The following PGGT1B variants were observed in gnomAD, a reference collection of about 807,000 sequenced individuals.
PGGT1B encodes the protein protein geranylgeranyltransferase type I subunit beta, also known as geranylgeranyl transferase type-1 subunit beta.
PGGT1B carries 30 observed loss-of-function variants against 46.1 expected under a neutral mutation model. The observed-to-expected ratio is 0.65, with a 90% confidence interval of 0.49 to 0.88. The LOEUF is 0.88. Among genes scored for constraint, PGGT1B ranks in the 40% least tolerant of loss-of-function variants. PGGT1B has a pLI of 0.00. For missense variants in PGGT1B, 376 were observed against 455.9 expected, an observed-to-expected ratio of 0.82 and a Z score of 1.60; for synonymous variants, 170 against 160.0, an observed-to-expected ratio of 1.06 and a Z score of -0.47.
At position 115,204,325 on chromosome 5, in the gene PGGT1B, G is replaced by C. The variant is rs1397695964; in HGVS notation, c.*8077C>G. On this transcript the variant is annotated 3_prime_UTR_variant, in exon 9 of 9. Transcript: ENST00000419445. ...TCAGGAGGTCTAAGGTACCGCCAGA[G>C]AATCTGCACTTTCTAACGAGTACCC... 1 of 152,120 alleles carries C rather than the reference G, an allele frequency of 6.6e-6. No homozygotes were observed. Among genetic ancestry groups the C allele is most frequent in the Non-Finnish European group, 1.5e-5 (1 of 68,028 alleles). The allele number at this position is 152,120 out of a possible 1,614,324, so 9.4% of individuals were successfully genotyped here.
In PGGT1B at chr5:115,221,279, G is replaced by A. The variant is rs191075889; in HGVS notation, c.843+545C>T. 8.5e-5 allele frequency among the ~76,000 whole-genome samples: 13 copies of A among 152,068 alleles called. No homozygotes were observed. The South Asian group carries it at 2.5e-3, about 29-fold the overall frequency. On this transcript the variant is annotated intron_variant, in intron 7 of 8. Transcript: ENST00000419445. ...CAGAGAAAACTTGTGTGTATTTAGT[G>A]ACTAAATAACCTTACGGAATTAGGT...
At chr5:115,258,508 C>T (rs1223280383) in intron 1 of PGGT1B, among the ~76,000 whole-genome samples, 1 of 152,204 alleles carries the variant, frequency 6.6e-6, no homozygotes, top group African/African-American at 2.4e-5. Flanking sequence ...CTGATGCATG[C>T]CTACCTCTTC....
intron 5 of PGGT1B, among the ~76,000 whole-genome samples, chr5:115,235,314 C>A (rs972559306): frequency 3.3e-5 from 5 of 151,730 alleles, no homozygotes; most frequent in African/African-American, 1.2e-4. Context: ...AAGTTTTTTT[C>A]AAACAGTAGA....
intron 2 of PGGT1B, among the ~76,000 whole-genome samples, chr5:115,242,544 GCTT>G (rs1757378507): frequency 6.6e-6 from 1 of 152,056 alleles, no homozygotes; most frequent in South Asian, 2.1e-4. Context: ...TATTTTTTCA[GCTT>G]CTTATCCCCC....
intron 1 of PGGT1B, among the ~76,000 whole-genome samples, chr5:115,259,927 T>C (rs1748484014): frequency 6.6e-6 from 1 of 152,110 alleles, no homozygotes. Context: ...TGTTCCTTAA[T>C]AAAAAGGACT....
intron 2 of PGGT1B, among the ~76,000 whole-genome samples, chr5:115,249,728 C>A (rs1748007807): frequency 6.6e-6 from 1 of 152,098 alleles, no homozygotes; most frequent in Non-Finnish European, 1.5e-5. Context: ...ATTGAACATA[C>A]TGACATATTG....
rs1037089173 is a variant in PGGT1B, at chr5:115,206,784, C to G, written c.*5618G>C. 1 of 151,916 alleles carries G rather than the reference C, an allele frequency of 6.6e-6. No homozygotes were observed. Among genetic ancestry groups the G allele is most frequent in the East Asian group, 1.9e-4 (1 of 5,200 alleles). The allele number at this position is 151,916 out of a possible 1,614,324, so 9.4% of individuals were successfully genotyped here. A position where few individuals can be genotyped will look rare whatever the true frequency, so the allele number is the denominator to read the frequency against. ...GAGAGTATCTGGGCCAAAAAGTGTG[C>G]ACACTTTAAAAAATTCTGATAGCTT... On this transcript the variant is annotated 3_prime_UTR_variant, in exon 9 of 9. Transcript: ENST00000419445.
At chr5:115,216,305 G>A (rs265424) in intron 8 of PGGT1B, among the ~76,000 whole-genome samples, 109,628 of 151,894 alleles carry the variant, frequency 0.72, 40,800 homozygotes, top group African/African-American at 0.92. Flanking sequence ...ACACCTGGCT[G>A]ATTTTTGTAT....
chr5:115,221,206 TA>T (rs1243477633), intron 7 of PGGT1B, among the ~76,000 whole-genome samples: 1 of 151,596 alleles, frequency 6.6e-6, no homozygotes, highest in Admixed American at 6.6e-5. Context: ...CATGGCAGAA[TA>T]TCAGAACAAG....
At chr5:115,230,567 AT>A (rs1370398550) in intron 6 of PGGT1B, among the ~76,000 whole-genome samples, 1 of 152,158 alleles carries the variant, frequency 6.6e-6, no homozygotes, top group African/African-American at 2.4e-5. Flanking sequence ...ACTAATAATA[AT>A]TTTGTTAAGG....
rs1273802908 is a variant in PGGT1B at position 115,204,888 on chromosome 5, C to G, written c.*7514G>C. ...GTGAAAAGCATCTTCTGATTATTTC[C>G]ACAAGTTAACCACTGAATAACTGTC... On this transcript the variant is annotated 3_prime_UTR_variant, in exon 9 of 9. Coordinates refer to ENST00000419445, the MANE Select transcript of PGGT1B (RefSeq NM_005023.4). The G allele has an allele frequency of 6.6e-6, 1 of 152,028 alleles. No individual in the cohort carries two copies. The highest frequency in any genetic ancestry group is 1.9e-4 in the East Asian group (1 of 5,180). The allele number at this position is 152,028 out of a possible 1,614,324, so 9.4% of individuals were successfully genotyped here.
chr5:115,236,226 T>C (rs1757177789), intron 5 of PGGT1B, among the ~76,000 whole-genome samples, 164 bp downstream of exon 5: 3 of 152,154 alleles, frequency 2.0e-5, no homozygotes, highest in African/African-American at 2.4e-5. Context: ...ATCTGCACTT[T>C]AAGATTATTT....
chr5:115,222,143 A>AT (rs1756607095), intron 6 of PGGT1B, 135 bp from the exon 7 acceptor site: 1 of 491,268 alleles, frequency 2.0e-6, no homozygotes, highest in Non-Finnish European at 3.5e-6. Context: ...AAAAGATGAG[A>AT]TTTTAAAATA....
At chr5:115,219,948 A>G (rs984606626) in intron 7 of PGGT1B, among the ~76,000 whole-genome samples, 1 of 151,834 alleles carries the variant, frequency 6.6e-6, no homozygotes, top group Non-Finnish European at 1.5e-5. Flanking sequence ...GAAAAAACAA[A>G]TGTTGGTGAG....
In PGGT1B at chr5:115,216,980, T is replaced by C. The variant is rs1439429426; in HGVS notation, c.844-7A>G. ...ATTGGAAAATTTTTAGAAGCTGAAA[T>C]GACATGACAAATAAAAATTTACTGA... is the stretch of plus-strand genomic sequence containing the variant. On this transcript the variant is annotated splice_polypyrimidine_tract_variant and splice_region_variant and intron_variant, in intron 7 of 8. Coordinates refer to ENST00000419445, the MANE Select transcript of PGGT1B (RefSeq NM_005023.4). 1 of 1,190,740 alleles carries C rather than the reference T, an allele frequency of 8.4e-7. No homozygotes were observed. The highest frequency in any genetic ancestry group is 2.3e-5 in the East Asian group (1 of 42,814). 73.8% of individuals were successfully genotyped at this position (1,190,740 alleles called of 1,614,324 possible).
At chr5:115,243,136 C>G (rs1024732371) in intron 2 of PGGT1B, among the ~76,000 whole-genome samples, 1 of 152,004 alleles carries the variant, frequency 6.6e-6, no homozygotes, top group African/African-American at 2.4e-5. Flanking sequence ...ATCCTAAGGA[C>G]TTTTAAATTG....
chr5:115,218,356 T>C (rs1257486967), intron 7 of PGGT1B, among the ~76,000 whole-genome samples: 2 of 149,568 alleles, frequency 1.3e-5, no homozygotes, highest in Non-Finnish European at 3.0e-5. Context: ...AGGGTTCTTA[T>C]AGACTAAAGA....
Position 115,209,961 on chromosome 5 carries a change from T to C in PGGT1B, c.*2441A>G, listed in dbSNP as rs1756174379. On this transcript the variant is annotated 3_prime_UTR_variant, in exon 9 of 9. Transcript: ENST00000419445. ...GATTCCAGAGCACCTCCTCATTAAC[T>C]GTCTCTCAAAAATGATCAGGTCCAA... The C allele has an allele frequency of 1.3e-5, 2 of 152,082 alleles. No homozygotes were observed. Among genetic ancestry groups the C allele is most frequent in the African/African-American group, 4.8e-5 (2 of 41,424 alleles). The allele number at this position is 152,082 out of a possible 1,614,324, so 9.4% of individuals were successfully genotyped here.
At chr5:115,243,821 T>C (rs1227549653) in intron 2 of PGGT1B, among the ~76,000 whole-genome samples, 1 of 152,118 alleles carries the variant, frequency 6.6e-6, no homozygotes, top group Non-Finnish European at 1.5e-5. Flanking sequence ...CTGGTAGGTA[T>C]CCCTTTTTGC....
Sources: allele counts gnomAD v4.1 joint callset (sites outside exome capture counted in the v4.1 genomes callset), GRCh38; gene constraint gnomAD v4.1.1; transcripts MANE v1.5; gene names NCBI Gene and HGNC (gene_info 2026-07-23, HGNC 2026-07-21).